TOMM20: variants seen among roughly 807,000 people sequenced by gnomAD.
TOMM20 encodes mitochondrial import receptor subunit TOM20 homolog.
In TOMM20, 10 loss-of-function variants were observed where a neutral mutation model predicts 22.1. The ratio of observed to expected loss-of-function variants is 0.45; its 90% confidence interval spans 0.28 to 0.77. TOMM20 has a LOEUF of 0.77. Ranked by LOEUF, TOMM20 falls within the 30% of genes least tolerant of loss-of-function variation. The probability of loss-of-function intolerance (pLI) is 0.13; values close to 1 mark genes in which losing one functional copy is unlikely to be tolerated. For missense variants in TOMM20, 121 were observed against 172.2 expected (o/e 0.70, Z 1.66); for synonymous variants, 55 against 61.4 (o/e 0.90, Z 0.49).
chr1:235,117,176 A>G (rs1660849239), intron 3 of TOMM20, among the ~76,000 whole-genome samples: 3 of 139,680 alleles, frequency 2.1e-5, no homozygotes, highest in African/African-American at 8.0e-5. Flanking sequence ...GAGTAAGAAT[A>G]GACCAGGTGC....
intron 2 of TOMM20, among the ~76,000 whole-genome samples, chr1:235,121,055 T>C (rs1056979839): frequency 1.3e-5 from 2 of 151,900 alleles, no homozygotes; most frequent in Non-Finnish European, 2.9e-5. Flanking sequence ...AAAAATTAGC[T>C]GGGCATGGTG....
intron 1 of TOMM20, among the ~76,000 whole-genome samples, chr1:235,126,067 T>TTAGA (rs750628138): frequency 1.8e-3 from 265 of 148,008 alleles, no homozygotes; most frequent in African/African-American, 3.7e-3. Flanking sequence ...ATAGATTAGA[T>TTAGA]TAGATAGATA....
intron 2 of TOMM20, among the ~76,000 whole-genome samples, chr1:235,121,240 GT>G (rs1251370985): frequency 6.6e-6 from 1 of 151,098 alleles, no homozygotes; most frequent in Non-Finnish European, 1.5e-5. Flanking sequence ...ATTAGTGCAA[GT>G]TTTTGGTCCT....
intron 3 of TOMM20, among the ~76,000 whole-genome samples, chr1:235,114,762 T>C (rs1660803897): frequency 6.6e-6 from 1 of 152,160 alleles, no homozygotes; most frequent in Non-Finnish European, 1.5e-5. Context: ...TATCCTTCAA[T>C]AGACATATTA....
At chr1:235,113,514 AC>A (rs890695188) in intron 4 of TOMM20, among the ~76,000 whole-genome samples, 9 of 152,166 alleles carry the variant, frequency 5.9e-5, no homozygotes, top group Admixed American at 5.2e-4. Flanking sequence ...TGGACAGTTG[AC>A]TACTAAGACC....
rs192531683 is a variant in TOMM20 at position 235,124,953 on chromosome 1, T to C, written c.122-2581A>G. Among the ~76,000 whole-genome samples, 94 of 152,356 alleles carry C rather than the reference T, an allele frequency of 6.2e-4. 2 individuals carry two copies. The highest frequency in any genetic ancestry group is 3.3e-3 in the Admixed American group (51 of 15,302). ...AAGCCTTGACTCAATGTTTCCAAGA[T>C]TTATTCATTTAAATAAGATGCTTAA... is the stretch of plus-strand genomic sequence containing the variant. On this transcript the variant is annotated intron_variant, in intron 1 of 4. Transcript: ENST00000366607.
At chr1:235,124,220 G>A (rs553268738) in intron 1 of TOMM20, among the ~76,000 whole-genome samples, 15 of 152,292 alleles carry the variant, frequency 9.8e-5, no homozygotes, top group South Asian at 4.1e-4. Flanking sequence ...GGTGGCAGGC[G>A]CCTGTAGTCC....
In TOMM20 at chr1:235,110,971, G is replaced by A. The variant is rs1175224298; in HGVS notation, c.*1093C>T. 3 of 152,250 alleles carry A rather than the reference G, an allele frequency of 2.0e-5. No homozygotes were observed. The highest frequency in any genetic ancestry group is 7.2e-5 in the African/African-American group (3 of 41,536). The allele number at this position is 152,250 out of a possible 1,614,324, so 9.4% of individuals were successfully genotyped here. On this transcript the variant is annotated 3_prime_UTR_variant, in exon 5 of 5. Coordinates refer to ENST00000366607, the MANE Select transcript of TOMM20 (RefSeq NM_014765.3). Reference sequence around the variant, plus strand: ...CACAAGGTTGCAACTTACTCTCATCGTTTCACAAGATAATCAAGTTGAAGC... The same window carrying A: ...CACAAGGTTGCAACTTACTCTCATCATTTCACAAGATAATCAAGTTGAAGC...
intron 3 of TOMM20, chr1:235,119,293 GGATCA>G (rs1157803751): frequency 1.3e-5 from 2 of 152,160 alleles, no homozygotes; most frequent in African/African-American, 4.8e-5. Flanking sequence ...GCTAAATTCT[GGATCA>G]GATAACAAGT....
chr1:235,113,941 C>A, intron 3 of TOMM20, 31 bp from the exon 4 acceptor site: 1 of 1,539,744 alleles, frequency 6.5e-7, no homozygotes, highest in South Asian at 1.2e-5. Flanking sequence ...TACATGTAAC[C>A]TGAAAAGCCT....
At chr1:235,118,142 T>TGAA (rs1553270824) in intron 3 of TOMM20, among the ~76,000 whole-genome samples, 69,147 of 151,964 alleles carry the variant, frequency 0.46, 18,611 homozygotes, top group African/African-American at 0.76. Context: ...GCAACAATGC[T>TGAA]GAAGATACAC....
At chr1:235,120,765 G>C (rs1280768561) in intron 2 of TOMM20, among the ~76,000 whole-genome samples, 4 of 150,072 alleles carry the variant, frequency 2.7e-5, no homozygotes, top group Admixed American at 6.7e-5. Flanking sequence ...AGCTACTAGG[G>C]AGGCTAAGGC....
intron 1 of TOMM20, among the ~76,000 whole-genome samples, chr1:235,124,183 C>T (rs1660976272): frequency 6.6e-6 from 1 of 152,140 alleles, no homozygotes; most frequent in African/African-American, 2.4e-5. Flanking sequence ...CCCGTCTTTA[C>T]TAAAATACAA....
At position 235,113,803 on chromosome 1, in the gene TOMM20, G is replaced by A; in HGVS notation, c.358C>T (p.Gln120Ter). The A allele has an allele frequency of 3.1e-6, 5 of 1,613,266 alleles. No individual in the cohort carries two copies. Among genetic ancestry groups the A allele is most frequent in the Non-Finnish European group, 4.2e-6 (5 of 1,179,930 alleles). The change falls in exon 4 of 5, where the codon CAG (glutamine) becomes TAG (stop). Residue 120 changes from glutamine to a stop codon, truncating the protein, a stop_gained. Transcript: ENST00000366607. LOFTEE classifies it high-confidence loss of function. Reference protein sequence around the residue: ...LQQTLPPPVFQMLLTKLPTIS... With the variant: ...LQQTLPPPVF ...GTTGGGAGCTTAGTCAGAAGCATCTGGAACACTGGTGGTGGAAGAGTTTGC... is the reference window on the plus strand; with the variant it reads ...GTTGGGAGCTTAGTCAGAAGCATCTAGAACACTGGTGGTGGAAGAGTTTGC...
chr1:235,110,136 G>A lies in TOMM20; in HGVS notation c.*1928C>T, dbSNP rs1216604167. On this transcript the variant is annotated 3_prime_UTR_variant, in exon 5 of 5. Coordinates refer to ENST00000366607, the MANE Select transcript of TOMM20 (RefSeq NM_014765.3). ...AATGAAGATACCAACGCCTTTTCAA[G>A]CATTACAGCAAAGCCAGTATGTTCA... is the stretch of plus-strand genomic sequence containing the variant. 1 of 152,138 alleles carries A rather than the reference G, an allele frequency of 6.6e-6. No individual in the cohort carries two copies. Among genetic ancestry groups the A allele is most frequent in the African/African-American group, 2.4e-5 (1 of 41,422 alleles). 9.4% of individuals were successfully genotyped at this position (152,138 alleles called of 1,614,324 possible).
chr1:235,114,362 G>A (rs1455695822), intron 3 of TOMM20, among the ~76,000 whole-genome samples: 3 of 151,056 alleles, frequency 2.0e-5, no homozygotes, highest in Non-Finnish European at 4.4e-5. Context: ...ATACTAGCAG[G>A]AAAAATGGTC....
At chr1:235,127,045 A>G (rs1213522168) in intron 1 of TOMM20, among the ~76,000 whole-genome samples, 1 of 152,226 alleles carries the variant, frequency 6.6e-6, no homozygotes, top group East Asian at 1.9e-4. Context: ...CCATTTGTCT[A>G]AAATGATAGC....
At chr1:235,116,941 C>G (rs965736194) in intron 3 of TOMM20, among the ~76,000 whole-genome samples, 1 of 150,064 alleles carries the variant, frequency 6.7e-6, no homozygotes, top group East Asian at 2.0e-4. Context: ...CGAGACCATC[C>G]TGGCTAACAT....
At chr1:235,116,939 T>A (rs11579704) in intron 3 of TOMM20, among the ~76,000 whole-genome samples, 46,523 of 149,964 alleles carry the variant, frequency 0.31, 7,398 homozygotes, top group South Asian at 0.48. Flanking sequence ...ATCGAGACCA[T>A]CCTGGCTAAC....
Sources: gnomAD v4.1 joint callset for allele counts (sites outside exome capture counted in the v4.1 genomes callset) on GRCh38, gnomAD v4.1.1 for gene constraint, MANE v1.5 for transcripts, NCBI Gene and HGNC (gene_info 2026-07-23, HGNC 2026-07-21) for gene names.